Variants in PCP4 observed in about 807,000 individuals in gnomAD.
PCP4 encodes calmodulin regulator protein PCP4.
A neutral mutation model predicts 10.0 loss-of-function variants in PCP4; 8 were observed. The observed-to-expected ratio is 0.80, with a 90% CI of 0.47 to 1.45. The LOEUF (loss-of-function observed/expected upper bound fraction) is 1.45. Ranked by LOEUF, PCP4 falls within the 40% of genes most tolerant of loss-of-function variation. The probability of loss-of-function intolerance (pLI) is 0.00; values close to 1 mark genes in which losing one functional copy is unlikely to be tolerated. For synonymous variants in PCP4, 21 were observed against 23.0 expected, an observed-to-expected ratio of 0.91 and a Z score of 0.24; for missense variants, 54 against 74.4, an observed-to-expected ratio of 0.73 and a Z score of 1.01.
intron 1 of PCP4, among the ~76,000 whole-genome samples, chr21:39,878,690 T>C (rs1314652404): frequency 6.6e-6 from 1 of 152,216 alleles, no homozygotes; most frequent in Non-Finnish European, 1.5e-5. Context: ...TTTAGGTATG[T>C]CTGTTATTTC....
intron 2 of PCP4, among the ~76,000 whole-genome samples, chr21:39,903,473 C>T (rs2087490401): frequency 6.6e-6 from 1 of 152,194 alleles, no homozygotes; most frequent in African/African-American, 2.4e-5. Context: ...CTTGCACAAG[C>T]TCGGGCTCCA....
In PCP4 at chr21:39,874,598, A is replaced by C. The variant is rs148641146; in HGVS notation, c.9+7088A>C. Among the ~76,000 whole-genome samples the C allele has an allele frequency of 2.3e-3, 353 of 152,286 alleles. 1 individual carries two copies. The highest frequency in any genetic ancestry group is 7.9e-3 in the African/African-American group (330 of 41,558). On this transcript the variant is annotated intron_variant, in intron 1 of 2. Transcript: ENST00000328619. ...CTTAATCAAATAAGAGTAAAAATAT[A>C]ACAAGGAAACACAGAAACACAAGAG...
At chr21:39,891,642 G>T (rs1402115411) in intron 1 of PCP4, among the ~76,000 whole-genome samples, 1 of 152,248 alleles carries the variant, frequency 6.6e-6, no homozygotes, top group Non-Finnish European at 1.5e-5. Flanking sequence ...GCCCCGAACG[G>T]CTGGGCTGGC....
chr21:39,919,316 T>C (rs1263967448), intron 2 of PCP4, among the ~76,000 whole-genome samples: 1 of 152,244 alleles, frequency 6.6e-6, no homozygotes, highest in Admixed American at 6.5e-5. Flanking sequence ...TGTTAATTCT[T>C]CCAAAGTTAA....
intron 2 of PCP4, among the ~76,000 whole-genome samples, chr21:39,919,890 G>T (rs1463701948): frequency 2.0e-5 from 3 of 149,482 alleles, no homozygotes; most frequent in Admixed American, 6.7e-5. Flanking sequence ...GTGTGGTGAG[G>T]GTTGTGTTTG....
chr21:39,894,587 T>C (rs2087448250), intron 1 of PCP4, among the ~76,000 whole-genome samples: 1 of 152,170 alleles, frequency 6.6e-6, no homozygotes, highest in Admixed American at 6.5e-5. Context: ...AATGACACAT[T>C]GGTGGTATTC....
chr21:39,899,893 G>A (rs77412010), intron 2 of PCP4, among the ~76,000 whole-genome samples: 1 of 152,272 alleles, frequency 6.6e-6, no homozygotes, highest in East Asian at 1.9e-4. Flanking sequence ...GGGGAGCATA[G>A]GGCGCTGTGA....
chr21:39,889,690 A>G (rs1042221375), intron 1 of PCP4, among the ~76,000 whole-genome samples: 9 of 152,146 alleles, frequency 5.9e-5, no homozygotes, highest in African/African-American at 2.2e-4. Context: ...TGCTGGGATT[A>G]CAGGCGTGAG....
chr21:39,897,217 A>G (rs1463705263), intron 1 of PCP4, among the ~76,000 whole-genome samples: 1 of 151,838 alleles, frequency 6.6e-6, no homozygotes, highest in Admixed American at 6.6e-5. Context: ...GTGAAACCCC[A>G]TCTCTACTAA....
intron 2 of PCP4, among the ~76,000 whole-genome samples, chr21:39,917,077 C>G (rs556790102): frequency 6.6e-6 from 1 of 152,212 alleles, no homozygotes; most frequent in East Asian, 1.9e-4. Context: ...ACACATGTAC[C>G]CTGGAGCTTA....
chr21:39,873,548 C>G (rs1234258838), intron 1 of PCP4, among the ~76,000 whole-genome samples: 1 of 152,022 alleles, frequency 6.6e-6, no homozygotes, highest in Non-Finnish European at 1.5e-5. Flanking sequence ...AACTGAATTG[C>G]ACGTCCATAT....
chr21:39,914,433 T>A (rs1313528956), intron 2 of PCP4, among the ~76,000 whole-genome samples: 2 of 151,866 alleles, frequency 1.3e-5, no homozygotes, highest in Admixed American at 6.6e-5. Flanking sequence ...CACACAAAAT[T>A]AGCTGGGTGT....
intron 2 of PCP4, among the ~76,000 whole-genome samples, chr21:39,901,854 T>C (rs2087483685): frequency 1.3e-5 from 2 of 152,194 alleles, no homozygotes; most frequent in African/African-American, 4.8e-5. Flanking sequence ...TAATTTAAAG[T>C]CTGTGCTTTT....
Position 39,929,176 on chromosome 21 carries a change from A to G in PCP4, c.*65A>G. 6.6e-7 allele frequency: 1 copy of G among 1,516,586 alleles called. No homozygotes were observed. Among genetic ancestry groups the G allele is most frequent in the South Asian group, 1.2e-5 (1 of 82,394 alleles). 93.9% of individuals were successfully genotyped at this position (1,516,586 alleles called of 1,614,324 possible). ...TCAACCATCATCTGTCAAGAAATTA[A>G]AAGAACAACACCCTAGAGAGAAGTC... is the stretch of plus-strand genomic sequence containing the variant. On this transcript the variant is annotated 3_prime_UTR_variant, in exon 3 of 3. Coordinates refer to ENST00000328619, the MANE Select transcript of PCP4 (RefSeq NM_006198.3).
At chr21:39,898,552 T>C (rs764342171) in intron 2 of PCP4, 25 bp downstream of exon 2, 11 of 1,598,460 alleles carry the variant, frequency 6.9e-6, no homozygotes, top group Non-Finnish European at 9.4e-6. Context: ...ATAGTCCAAG[T>C]TCTTTCTCTT....
At chr21:39,876,179 T>C (rs2087344725) in intron 1 of PCP4, among the ~76,000 whole-genome samples, 1 of 151,890 alleles carries the variant, frequency 6.6e-6, no homozygotes, top group Non-Finnish European at 1.5e-5. Context: ...AGTTCAGCGG[T>C]ATTAATTACA....
Position 39,875,444 on chromosome 21 carries a change from C to T in PCP4, c.9+7934C>T, listed in dbSNP as rs2087340493. 2.0e-5 allele frequency among the ~76,000 whole-genome samples: 3 copies of T among 152,150 alleles called. No homozygotes were observed. The South Asian group carries it at 6.2e-4, about 32-fold the overall frequency. On this transcript the variant is annotated intron_variant, in intron 1 of 2. Transcript: ENST00000328619. ...TCCAAGACGGGCGATGGTGTGGAGC[C>T]TTCCTTTACAGATCATAACTCTGCA...
At chr21:39,907,425 T>G (rs1290448684) in intron 2 of PCP4, among the ~76,000 whole-genome samples, 1 of 152,152 alleles carries the variant, frequency 6.6e-6, no homozygotes, top group African/African-American at 2.4e-5. Context: ...GGGAGGCCTA[T>G]CTGGAGGAGC....
At chr21:39,913,704 G>A (rs2087552489) in intron 2 of PCP4, among the ~76,000 whole-genome samples, 1 of 152,178 alleles carries the variant, frequency 6.6e-6, no homozygotes, top group South Asian at 2.1e-4. Context: ...TATCAGCTCA[G>A]CTGCGTGGTT....
Sources: allele counts gnomAD v4.1 joint callset (sites outside exome capture counted in the v4.1 genomes callset), GRCh38; gene constraint gnomAD v4.1.1; transcripts MANE v1.5; gene names NCBI Gene and HGNC (gene_info 2026-07-23, HGNC 2026-07-21).